FTO: variants seen among roughly 807,000 people sequenced by gnomAD.
The protein encoded by FTO is FTO alpha-ketoglutarate dependent dioxygenase.
Under a neutral mutation model 63.9 loss-of-function variants are expected in FTO, and 47 were observed. The ratio of observed to expected loss-of-function variants is 0.74; its 90% CI spans 0.58 to 0.94. FTO has a LOEUF of 0.94. Ranked by LOEUF, FTO falls within the 40% of genes least tolerant of loss-of-function variation. The pLI, the probability that FTO is intolerant of heterozygous loss-of-function variation, is 0.00. For missense variants in FTO, 562 were observed against 618.1 expected, an observed-to-expected ratio of 0.91 and a Z score of 0.96; for synonymous variants, 207 against 224.4, an observed-to-expected ratio of 0.92 and a Z score of 0.69.
chr16:53,961,440 G>A (rs575994960), intron 8 of FTO, among the ~76,000 whole-genome samples: 128 of 152,286 alleles, frequency 8.4e-4, no homozygotes, highest in African/African-American at 2.8e-3. Flanking sequence ...TGCACCTGAA[G>A]TTTTTCTTTA....
intron 8 of FTO, among the ~76,000 whole-genome samples, chr16:54,013,908 T>C (rs1309559800): frequency 6.6e-6 from 1 of 152,174 alleles, no homozygotes; most frequent in African/African-American, 2.4e-5. Context: ...ACCTGCAATA[T>C]TGTCAATGTG....
intron 1 of FTO, among the ~76,000 whole-genome samples, chr16:53,710,875 C>A (rs2075755099): frequency 6.6e-6 from 1 of 152,046 alleles, no homozygotes; most frequent in Non-Finnish European, 1.5e-5. Context: ...CAGTTTTGCC[C>A]CTTAAGTTAC....
At chr16:54,022,944 G>A (rs2084633940) in intron 8 of FTO, among the ~76,000 whole-genome samples, 1 of 152,226 alleles carries the variant, frequency 6.6e-6, no homozygotes, top group Non-Finnish European at 1.5e-5. Flanking sequence ...TAGCTTTTCA[G>A]AAAGTTCAAA....
chr16:53,823,029 C>A (rs766185712), intron 2 of FTO, among the ~76,000 whole-genome samples: 16 of 152,160 alleles, frequency 1.1e-4, no homozygotes, highest in Non-Finnish European at 2.1e-4. Context: ...TTTTTCTACT[C>A]CCCTTCATAG....
At chr16:54,099,783 G>C (rs2086594571) in intron 8 of FTO, among the ~76,000 whole-genome samples, 1 of 152,170 alleles carries the variant, frequency 6.6e-6, no homozygotes, top group Non-Finnish European at 1.5e-5. Context: ...GAAGTAGGGG[G>C]AGGACTTCAG....
At chr16:53,911,358 A>G in intron 7 of FTO, 1 of 703,114 alleles carries the variant, frequency 1.4e-6, no homozygotes. Flanking sequence ...AGGTGAGAAG[A>G]GGACCAGGAG....
At chr16:53,726,436 A>G (rs1037224735) in intron 1 of FTO, among the ~76,000 whole-genome samples, 1 of 152,042 alleles carries the variant, frequency 6.6e-6, no homozygotes, top group African/African-American at 2.4e-5. Flanking sequence ...TTAACTTTGC[A>G]TTTTCTTTCA....
chr16:53,965,688 A>G (rs1424222995), intron 8 of FTO: 3 of 152,092 alleles, frequency 2.0e-5, no homozygotes, highest in Non-Finnish European at 2.9e-5. Context: ...ATATTTAGTT[A>G]CCCTCATTCT....
chr16:53,783,163 A>G (rs1242327189), intron 1 of FTO, among the ~76,000 whole-genome samples: 1 of 152,130 alleles, frequency 6.6e-6, no homozygotes, highest in African/African-American at 2.4e-5. Flanking sequence ...AGCAGACTAA[A>G]TTGGGCCCAC....
At chr16:53,991,414 A>G (rs2083807821) in intron 8 of FTO, 1 of 152,104 alleles carries the variant, frequency 6.6e-6, no homozygotes, top group South Asian at 2.1e-4. Flanking sequence ...TGGCCGGGAG[A>G]AGCCAGGACA....
chr16:53,959,268 G>A, intron 8 of FTO, among the ~76,000 whole-genome samples: 1 of 152,188 alleles, frequency 6.6e-6, no homozygotes, highest in East Asian at 1.9e-4. Flanking sequence ...CAGTGGTTCT[G>A]TAATTTTAGC....
intron 8 of FTO, chr16:54,034,058 G>A (rs1374778119): frequency 6.6e-6 from 1 of 152,198 alleles, no homozygotes; most frequent in East Asian, 1.9e-4. Flanking sequence ...AGGGCCCACT[G>A]TCACTTCGGG....
At chr16:53,821,095 C>T (rs1023648893) in intron 2 of FTO, among the ~76,000 whole-genome samples, 1 of 152,074 alleles carries the variant, frequency 6.6e-6, no homozygotes, top group African/African-American at 2.4e-5. Flanking sequence ...ATATCTTATG[C>T]AGTGTTGAGA....
chr16:53,910,621 C>T (rs1267554461), intron 7 of FTO, among the ~76,000 whole-genome samples: 1 of 152,084 alleles, frequency 6.6e-6, no homozygotes, highest in Non-Finnish European at 1.5e-5. Context: ...ACTGCAACCT[C>T]CGCCTCCCAG....
chr16:53,945,552 T>G (rs991255783), intron 8 of FTO, among the ~76,000 whole-genome samples: 3 of 152,240 alleles, frequency 2.0e-5, no homozygotes, highest in African/African-American at 7.2e-5. Flanking sequence ...GGTATGTATC[T>G]TTACATATTT....
intron 7 of FTO, among the ~76,000 whole-genome samples, chr16:53,922,045 A>G (rs1474000445): frequency 6.6e-6 from 1 of 152,202 alleles, no homozygotes; most frequent in East Asian, 1.9e-4. Context: ...TGGGAATTAC[A>G]TGATCATCAT....
At chr16:54,065,656 G>A (rs2085710010) in intron 8 of FTO, among the ~76,000 whole-genome samples, 1 of 152,184 alleles carries the variant, frequency 6.6e-6, no homozygotes, top group African/African-American at 2.4e-5. Context: ...GGTTTGGCTT[G>A]CCTTGTCACT....
chr16:53,802,261 A>C (rs931316338), intron 1 of FTO, among the ~76,000 whole-genome samples: 4 of 152,182 alleles, frequency 2.6e-5, no homozygotes, highest in Admixed American at 2.6e-4. Flanking sequence ...TAGATTACTT[A>C]TAGTACCTAA....
At chr16:54,092,378 T>G (rs2086408329) in intron 8 of FTO, among the ~76,000 whole-genome samples, 1 of 152,152 alleles carries the variant, frequency 6.6e-6, no homozygotes. Flanking sequence ...TCTCCTGACT[T>G]TGACACAAAT....
Sources: allele counts gnomAD v4.1 joint callset (sites outside exome capture counted in the v4.1 genomes callset), GRCh38; gene constraint gnomAD v4.1.1; transcripts MANE v1.5; gene names NCBI Gene and HGNC (gene_info 2026-07-23, HGNC 2026-07-21).